The following ADAMTS18 variants were observed in gnomAD, a reference collection of about 807,000 sequenced individuals.
ADAMTS18 encodes A disintegrin and metalloproteinase with thrombospondin motifs 18.
Under a neutral mutation model 165.9 loss-of-function variants are expected in ADAMTS18, and 157 were observed. That is an observed-to-expected ratio of 0.95 (90% CI 0.83 to 1.08). The LOEUF (loss-of-function observed/expected upper bound fraction) is 1.08. Among genes scored for constraint, ADAMTS18 ranks in the 50% least tolerant of loss-of-function variants. The probability of loss-of-function intolerance (pLI) is 0.00; values close to 1 mark genes in which losing one functional copy is unlikely to be tolerated. For missense variants in ADAMTS18, 2,040 were observed against 1,534.0 expected, an observed-to-expected ratio of 1.33 and a Z score of -5.51; for synonymous variants, 782 against 578.2, an observed-to-expected ratio of 1.35 and a Z score of -5.06.
At chr16:77,419,773 G>A (rs564184544) in intron 3 of ADAMTS18, among the ~76,000 whole-genome samples, 1 of 151,950 alleles carries the variant, frequency 6.6e-6, no homozygotes, top group South Asian at 2.1e-4. Context: ...TTGACAGGCA[G>A]GTGAATCATG....
chr16:77,344,936 T>TC (rs1252952203), intron 10 of ADAMTS18, among the ~76,000 whole-genome samples: 1 of 151,696 alleles, frequency 6.6e-6, no homozygotes, highest in African/African-American at 2.4e-5. Flanking sequence ...TGCTTGTACC[T>TC]CCCCCCTCTT....
At chr16:77,331,152 T>C (rs146530725) in intron 12 of ADAMTS18, among the ~76,000 whole-genome samples, 1 of 152,338 alleles carries the variant, frequency 6.6e-6, no homozygotes, top group East Asian at 1.9e-4. Flanking sequence ...ATCTCTAAAT[T>C]ACAATATGTT....
chr16:77,335,630 T>A (rs1448947133), intron 12 of ADAMTS18, 126 bp downstream of exon 12: 1 of 1,192,506 alleles, frequency 8.4e-7, no homozygotes, highest in African/African-American at 1.5e-5. Context: ...TAAATATGTA[T>A]AACCATTATG....
At chr16:77,285,699 G>A (rs1169378717) in intron 22 of ADAMTS18, among the ~76,000 whole-genome samples, 1 of 152,108 alleles carries the variant, frequency 6.6e-6, no homozygotes, top group Non-Finnish European at 1.5e-5. Flanking sequence ...ACAGCTGGTT[G>A]TTTGAGCTTC....
chr16:77,405,175 C>T (rs894382677), intron 3 of ADAMTS18, among the ~76,000 whole-genome samples: 1 of 152,166 alleles, frequency 6.6e-6, no homozygotes, highest in Non-Finnish European at 1.5e-5. Context: ...ATGTGGACTC[C>T]TCAGACACAT....
At chr16:77,353,968 C>G in intron 9 of ADAMTS18, 82 bp from the exon 10 acceptor site, 1 of 1,529,348 alleles carries the variant, frequency 6.5e-7, no homozygotes, top group Non-Finnish European at 9.0e-7. Context: ...TGAATGCATT[C>G]ATGCAAAGAA....
intron 3 of ADAMTS18, among the ~76,000 whole-genome samples, chr16:77,416,695 G>A (rs927516594): frequency 3.3e-5 from 5 of 152,120 alleles, no homozygotes; most frequent in Admixed American, 6.5e-5. Flanking sequence ...TCTATTAGCA[G>A]CATGAGAACA....
chr16:77,429,018 G>A (rs772640573), intron 3 of ADAMTS18, among the ~76,000 whole-genome samples: 4 of 152,120 alleles, frequency 2.6e-5, no homozygotes, highest in Non-Finnish European at 5.9e-5. Context: ...CAACCATTGT[G>A]GAAAGCAGTA....
At chr16:77,356,563 A>G (rs138221204) in intron 8 of ADAMTS18, among the ~76,000 whole-genome samples, 93 of 152,302 alleles carry the variant, frequency 6.1e-4, no homozygotes, top group African/African-American at 2.2e-3. Context: ...CTTCTCTCCA[A>G]CTATGATCAA....
intron 17 of ADAMTS18, among the ~76,000 whole-genome samples, chr16:77,298,513 C>A (rs1031523453): frequency 6.6e-6 from 1 of 152,068 alleles, no homozygotes; most frequent in African/African-American, 2.4e-5. Flanking sequence ...ACATCAAGGC[C>A]GGGCACGATG....
chr16:77,365,150 C>A (rs2056775119), intron 4 of ADAMTS18, among the ~76,000 whole-genome samples: 1 of 148,308 alleles, frequency 6.7e-6, no homozygotes, highest in African/African-American at 2.5e-5. Context: ...AAGATAGAGT[C>A]TCTGGGTGAC....
intron 13 of ADAMTS18, among the ~76,000 whole-genome samples, chr16:77,324,570 CAGAT>C (rs1260215048): frequency 6.6e-6 from 1 of 152,004 alleles, no homozygotes; most frequent in Non-Finnish European, 1.5e-5. Context: ...AGGAAGATAA[CAGAT>C]AAATGACCAC....
At chr16:77,307,992 G>C (rs570388226) in intron 16 of ADAMTS18, among the ~76,000 whole-genome samples, 1 of 152,224 alleles carries the variant, frequency 6.6e-6, no homozygotes, top group African/African-American at 2.4e-5. Flanking sequence ...GTTTATTATA[G>C]TAATTTTCTT....
At chr16:77,358,511 G>A (rs1288233136) in intron 8 of ADAMTS18, among the ~76,000 whole-genome samples, 3 of 152,098 alleles carry the variant, frequency 2.0e-5, no homozygotes, top group Non-Finnish European at 2.9e-5. Flanking sequence ...GCAGCGAGCC[G>A]AGATCGTGCC....
intron 20 of ADAMTS18, among the ~76,000 whole-genome samples, chr16:77,292,339 G>C (rs772654000): frequency 7.2e-5 from 11 of 152,130 alleles, no homozygotes; most frequent in Non-Finnish European, 1.5e-4. Flanking sequence ...GATATTTCTA[G>C]TGTGTCACCC....
intron 11 of ADAMTS18, among the ~76,000 whole-genome samples, chr16:77,339,891 T>C (rs2056372758): frequency 6.6e-6 from 1 of 151,112 alleles, no homozygotes; most frequent in Non-Finnish European, 1.5e-5. Context: ...AGTGAATAAA[T>C]GTCCTAACAA....
At position 77,319,994 on chromosome 16, in the gene ADAMTS18, T is replaced by C. The variant is rs781152512; in HGVS notation, c.2387A>G (p.Gln796Arg). 9 of 1,614,042 alleles carry C rather than the reference T, an allele frequency of 5.6e-6. No individual in the cohort carries two copies. The highest frequency in any genetic ancestry group is 4.0e-5 in the African/African-American group (3 of 74,926). ...CCAGCCCCCGGTGAGGTAATACTTT[T>C]GACTGAGGCTTCGAACTGCGAGGTA... ...SSYLAVRSLS[Q>R]KYYLTGGWSI... Residue 796 changes from glutamine (Q) to arginine (R), a missense_variant, in exon 16 of 23, where the codon CAA becomes CGA. Coordinates refer to ENST00000282849, the MANE Select transcript of ADAMTS18 (RefSeq NM_199355.4).
intron 3 of ADAMTS18, among the ~76,000 whole-genome samples, chr16:77,395,822 C>T (rs1181654579): frequency 1.3e-5 from 2 of 151,874 alleles, no homozygotes; most frequent in Admixed American, 6.6e-5. Flanking sequence ...ATTGGAAAAG[C>T]CTTTTGGTAT....
chr16:77,346,404 T>C (rs975349447), intron 10 of ADAMTS18, among the ~76,000 whole-genome samples: 1 of 152,170 alleles, frequency 6.6e-6, no homozygotes, highest in African/African-American at 2.4e-5. Context: ...AATGACAGAC[T>C]TTGTATTTTA....
Sources: allele counts gnomAD v4.1 joint callset (sites outside exome capture counted in the v4.1 genomes callset), GRCh38; gene constraint gnomAD v4.1.1; transcripts MANE v1.5; gene names NCBI Gene and HGNC (gene_info 2026-07-23, HGNC 2026-07-21).